Variants in EPHA6 observed in about 807,000 individuals in gnomAD.
EPHA6 encodes EPH receptor A6, also known as ephrin type-A receptor 6.
Under a neutral mutation model 112.0 loss-of-function variants are expected in EPHA6, and 50 were observed. The ratio of observed to expected loss-of-function variants is 0.45; its 90% CI spans 0.36 to 0.56. The LOEUF is 0.56. EPHA6 is among the 20% of genes least tolerant of loss of function. The probability of loss-of-function intolerance (pLI) is 0.00; values close to 1 mark genes in which losing one functional copy is unlikely to be tolerated. For synonymous variants in EPHA6, 529 were observed against 490.7 expected, an observed-to-expected ratio of 1.08 and a Z score of -1.03; for missense variants, 1,280 against 1,417.4, an observed-to-expected ratio of 0.90 and a Z score of 1.56.
intron 10 of EPHA6, among the ~76,000 whole-genome samples, chr3:97,526,922 A>T (rs889126987): frequency 6.6e-6 from 1 of 152,028 alleles, no homozygotes; most frequent in Non-Finnish European, 1.5e-5. Context: ...TATGGCAGAG[A>T]GGGGCTAGAG....
intron 13 of EPHA6, among the ~76,000 whole-genome samples, chr3:97,625,501 C>T (rs1054978855): frequency 6.6e-6 from 1 of 151,492 alleles, no homozygotes; most frequent in Non-Finnish European, 1.5e-5. Context: ...AAATTTTGTT[C>T]TATTTTTCTT....
Position 97,274,127 on chromosome 3 carries a change from A to G in EPHA6, c.1606+29840A>G, listed in dbSNP as rs567258072. ...TAGCGGCTTATAACCTACATGGAAG[A>G]GGTTATGAAATGATGACAGAATAGA... On this transcript the variant is annotated intron_variant, in intron 5 of 17. Transcript: ENST00000389672. 1.8e-3 allele frequency among the ~76,000 whole-genome samples: 281 copies of G among 152,288 alleles called. 1 individual carries two copies. Among genetic ancestry groups the G allele is most frequent in the Non-Finnish European group, 2.6e-3 (180 of 68,032 alleles).
intron 1 of EPHA6, among the ~76,000 whole-genome samples, chr3:96,846,364 T>G (rs978719235): frequency 2.6e-5 from 4 of 152,030 alleles, no homozygotes; most frequent in Non-Finnish European, 5.9e-5. Flanking sequence ...GCAGATTACG[T>G]GTTTCCACCG....
In EPHA6 at chr3:97,753,080, A is replaced by C. The variant is rs779879164; in HGVS notation, c.*4379A>C. ...GAATATAAGATACTTAAGTCACCTA[A>C]CTTTTGGTTTTTATAAGCAACATTT... On this transcript the variant is annotated 3_prime_UTR_variant, in exon 18 of 18. Coordinates refer to ENST00000389672, the MANE Select transcript of EPHA6 (RefSeq NM_001080448.3). Among the ~76,000 whole-genome samples, 12 of 152,152 alleles carry C rather than the reference A, an allele frequency of 7.9e-5. No individual in the cohort carries two copies. The highest frequency in any genetic ancestry group is 1.5e-4 in the Non-Finnish European group (10 of 68,006).
chr3:97,131,552 C>A (rs929905510), intron 3 of EPHA6, among the ~76,000 whole-genome samples: 1 of 152,026 alleles, frequency 6.6e-6, no homozygotes, highest in African/African-American at 2.4e-5. Context: ...GTATTTATTT[C>A]TTGCATAATA....
intron 11 of EPHA6, among the ~76,000 whole-genome samples, chr3:97,545,122 G>T (rs966771975): frequency 6.6e-6 from 1 of 151,940 alleles, no homozygotes; most frequent in Non-Finnish European, 1.5e-5. Flanking sequence ...GAATTTGTTT[G>T]CTCTTGCTTT....
chr3:96,942,661 C>A (rs987173967), intron 2 of EPHA6, among the ~76,000 whole-genome samples: 1 of 152,206 alleles, frequency 6.6e-6, no homozygotes, highest in Admixed American at 6.5e-5. Flanking sequence ...GAGATGAACC[C>A]GGTACCTTAG....
intron 3 of EPHA6, among the ~76,000 whole-genome samples, chr3:97,115,848 G>C (rs537240958): frequency 6.6e-6 from 1 of 151,886 alleles, no homozygotes; most frequent in Non-Finnish European, 1.5e-5. Flanking sequence ...TAACATATAT[G>C]ATACGTTATT....
chr3:97,484,577 T>C (rs2107500205), intron 10 of EPHA6, among the ~76,000 whole-genome samples: 1 of 152,316 alleles, frequency 6.6e-6, no homozygotes, highest in Middle Eastern at 3.4e-3. Context: ...AAATACAAAT[T>C]TCTTGTAAAT....
intron 4 of EPHA6, among the ~76,000 whole-genome samples, chr3:97,239,305 G>C (rs2078773621): frequency 6.6e-6 from 1 of 151,762 alleles, no homozygotes; most frequent in Non-Finnish European, 1.5e-5. Flanking sequence ...TTGAAAATGT[G>C]TATTTGACAA....
chr3:97,649,886 G>A (rs909122332), intron 14 of EPHA6, among the ~76,000 whole-genome samples: 3 of 152,002 alleles, frequency 2.0e-5, no homozygotes, highest in Admixed American at 1.3e-4. Flanking sequence ...AGAAATCGAT[G>A]CGCTAATACT....
chr3:97,524,290 A>G (rs2092588287), intron 10 of EPHA6, among the ~76,000 whole-genome samples: 1 of 152,010 alleles, frequency 6.6e-6, no homozygotes, highest in Non-Finnish European at 1.5e-5. Context: ...AGGCTTGCAT[A>G]AAATATCTTA....
At chr3:97,466,160 A>G (rs1577487915) in intron 7 of EPHA6, 3 of 636,734 alleles carry the variant, frequency 4.7e-6, no homozygotes, top group East Asian at 6.1e-5. Context: ...AAAGGTAAGC[A>G]CATTTCCACT....
At chr3:96,942,951 C>T (rs759306289) in intron 2 of EPHA6, among the ~76,000 whole-genome samples, 5 of 151,968 alleles carry the variant, frequency 3.3e-5, no homozygotes, top group Non-Finnish European at 7.4e-5. Context: ...CACACCAGAA[C>T]TTATTCCTCC....
intron 1 of EPHA6, among the ~76,000 whole-genome samples, chr3:96,846,245 G>A (rs574466973): frequency 2.0e-5 from 3 of 152,110 alleles, no homozygotes; most frequent in Admixed American, 1.3e-4. Flanking sequence ...TCCCATAGCG[G>A]TAATTCTCAA....
rs1018646998 is a variant in EPHA6, at chr3:97,328,056, T to C, written c.1607-77094T>C. 1.2e-3 allele frequency among the ~76,000 whole-genome samples: 152 copies of C among 130,466 alleles called. 4 individuals are homozygous for C. Among genetic ancestry groups the C allele is most frequent in the African/African-American group, 3.6e-3 (104 of 28,628 alleles). 85.6% of individuals were successfully genotyped at this position (130,466 alleles called of 152,430 possible). Reference sequence around the variant, plus strand: ...GTATATATACACACATATATACACATATATATATATATATATATATATAAC... The same window carrying C: ...GTATATATACACACATATATACACACATATATATATATATATATATATAAC... On this transcript the variant is annotated intron_variant, in intron 5 of 17. Coordinates refer to ENST00000389672, the MANE Select transcript of EPHA6 (RefSeq NM_001080448.3).
At chr3:97,148,722 A>T (rs1299791722) in intron 3 of EPHA6, among the ~76,000 whole-genome samples, 2 of 152,056 alleles carry the variant, frequency 1.3e-5, no homozygotes, top group East Asian at 3.9e-4. Context: ...ATTTAAACTC[A>T]CTTTTGTCTG....
At chr3:96,844,071 G>T (rs1369364045) in intron 1 of EPHA6, among the ~76,000 whole-genome samples, 1 of 151,998 alleles carries the variant, frequency 6.6e-6, no homozygotes, top group Non-Finnish European at 1.5e-5. Context: ...GAGGAGAGGA[G>T]TAGGTTTACT....
chr3:97,179,616 T>C (rs961830049), intron 3 of EPHA6, among the ~76,000 whole-genome samples: 1 of 152,134 alleles, frequency 6.6e-6, no homozygotes, highest in African/African-American at 2.4e-5. Flanking sequence ...TACAGACTTT[T>C]AGAGGTACTG....
Sources: gnomAD v4.1 joint callset for allele counts (sites outside exome capture counted in the v4.1 genomes callset) on GRCh38, gnomAD v4.1.1 for gene constraint, MANE v1.5 for transcripts, NCBI Gene and HGNC (gene_info 2026-07-23, HGNC 2026-07-21) for gene names.